Variants in OPRM1 observed in about 807,000 individuals in gnomAD.
OPRM1 encodes the protein opioid receptor mu 1, also known as mu-type opioid receptor.
A neutral mutation model predicts 31.8 loss-of-function variants in OPRM1; 27 were observed. The ratio of observed to expected loss-of-function variants is 0.85; its 90% CI spans 0.63 to 1.17. The LOEUF is 1.17. OPRM1 is among the 50% of genes most tolerant of loss of function. The pLI is 0.00. For synonymous variants in OPRM1, 196 were observed against 189.9 expected (o/e 1.03, Z -0.26); for missense variants, 536 against 511.1 (o/e 1.05, Z -0.47).
chr6:154,207,238 C>A (rs1777576708), intron 3 of OPRM1, among the ~76,000 whole-genome samples: 1 of 152,186 alleles, frequency 6.6e-6, no homozygotes. Context: ...TGAAGATGAG[C>A]TGTTAAAGCC....
At chr6:154,101,995 C>T (rs112713737) in intron 3 of OPRM1, among the ~76,000 whole-genome samples, 2,593 of 152,094 alleles carry the variant, frequency 0.017, 70 homozygotes, top group African/African-American at 0.06. Flanking sequence ...GCTGGAGTGC[C>T]GTGGCACCAG....
intron 3 of OPRM1, among the ~76,000 whole-genome samples, chr6:154,161,116 TC>T (rs1217562223): frequency 1.3e-5 from 2 of 152,216 alleles, no homozygotes; most frequent in Non-Finnish European, 2.9e-5. Context: ...TGAAGAATCT[TC>T]CTTGCCTTTC....
intron 3 of OPRM1, chr6:154,217,058 A>G: frequency 6.2e-6 from 1 of 160,340 alleles, no homozygotes; most frequent in Non-Finnish European, 1.4e-5. Context: ...CATATATGAA[A>G]AGCCACCAAG....
At chr6:154,015,382 A>G (rs986092279) in intron 1 of OPRM1, among the ~76,000 whole-genome samples, 2 of 152,154 alleles carry the variant, frequency 1.3e-5, no homozygotes, top group Non-Finnish European at 2.9e-5. Context: ...GGATACAATA[A>G]AGATGGAATC....
intron 1 of OPRM1, among the ~76,000 whole-genome samples, chr6:154,029,566 T>C (rs116440914): frequency 0.015 from 2,342 of 152,304 alleles, 78 homozygotes; most frequent in African/African-American, 0.053. Flanking sequence ...ACTTAAACAC[T>C]TGCAGCTATA....
chr6:154,085,088 A>G (rs1277024401), intron 1 of OPRM1, among the ~76,000 whole-genome samples: 1 of 152,216 alleles, frequency 6.6e-6, no homozygotes, highest in Non-Finnish European at 1.5e-5. Flanking sequence ...TCAGGTGTAC[A>G]GAGGTAATTT....
chr6:154,181,671 A>G (rs542353607), intron 3 of OPRM1, among the ~76,000 whole-genome samples: 1 of 152,316 alleles, frequency 6.6e-6, no homozygotes, highest in East Asian at 1.9e-4. Flanking sequence ...CCCCACCCGG[A>G]GCCTCTGCTG....
intron 1 of OPRM1, chr6:154,087,386 C>T (rs1208415263): frequency 5.1e-6 from 5 of 985,338 alleles, no homozygotes; most frequent in Non-Finnish European, 4.8e-6. Context: ...GACTCAACCT[C>T]GTGTGACGGA....
intron 1 of OPRM1, among the ~76,000 whole-genome samples, chr6:154,059,370 G>C (rs188279562): frequency 1.2e-4 from 18 of 152,190 alleles, no homozygotes; most frequent in African/African-American, 4.3e-4. Context: ...GTGATCTAAA[G>C]GTGCTGTCAT....
chr6:154,199,526 A>G, intron 3 of OPRM1: 1 of 972,842 alleles, frequency 1.0e-6, no homozygotes. Flanking sequence ...TCTACAAAGC[A>G]ACCTCTGGGC....
intron 3 of OPRM1, among the ~76,000 whole-genome samples, chr6:154,177,010 C>A (rs1236616847): frequency 6.6e-6 from 1 of 152,106 alleles, no homozygotes; most frequent in Non-Finnish European, 1.5e-5. Flanking sequence ...TCTGATCTGA[C>A]AAACCTGACA....
chr6:154,034,333 A>G (rs1182221195), upstream of OPRM1, among the ~76,000 whole-genome samples: 1 of 152,230 alleles, frequency 6.6e-6, no homozygotes, highest in Non-Finnish European at 1.5e-5. Context: ...TGACGAGGTC[A>G]GGAGATCGAG....
chr6:154,089,665 T>C (rs17174787), intron 1 of OPRM1, 161 bp from the exon 2 acceptor site: 29 of 601,452 alleles, frequency 4.8e-5, no homozygotes, highest in Middle Eastern at 7.6e-4. Flanking sequence ...AGGTACATCA[T>C]TGACATCATT....
chr6:154,055,910 T>C (rs1783180943), intron 1 of OPRM1, among the ~76,000 whole-genome samples: 1 of 152,214 alleles, frequency 6.6e-6, no homozygotes, highest in South Asian at 2.1e-4. Flanking sequence ...TAACTGCATG[T>C]GACAAAACTC....
intron 1 of OPRM1, among the ~76,000 whole-genome samples, chr6:154,080,210 A>C (rs956608829): frequency 3.3e-5 from 5 of 152,266 alleles, no homozygotes; most frequent in African/African-American, 9.6e-5. Context: ...GTATCACATA[A>C]GTGAAATGTA....
intron 3 of OPRM1, among the ~76,000 whole-genome samples, chr6:154,245,748 C>T (rs1363159435): frequency 6.6e-6 from 1 of 152,206 alleles, no homozygotes. Flanking sequence ...TCACACTCTC[C>T]TGAGAGCAGC....
At chr6:154,201,724 G>T (rs540218080) in intron 3 of OPRM1, among the ~76,000 whole-genome samples, 1 of 152,058 alleles carries the variant, frequency 6.6e-6, no homozygotes, top group East Asian at 1.9e-4. Context: ...GCGAAACCCC[G>T]TCTCTACTAA....
chr6:154,134,928 T>C (rs573058245), downstream of OPRM1, among the ~76,000 whole-genome samples: 471 of 152,118 alleles, frequency 3.1e-3, 12 homozygotes, highest in Non-Finnish European at 4.3e-4. Flanking sequence ...TTAAATTAGG[T>C]TTCATTTTGG....
rs564455457 is a variant in OPRM1, at chr6:154,168,697, C to T, written c.1164+77225C>T. On this transcript the variant is annotated intron_variant, in intron 3 of 3. Coordinates refer to the OPRM1 transcript ENST00000337049. This position sits in a 1 kb window ranked among gnomAD's most constrained non-coding sequence, Gnocchi z 4.1. ...CTTGGCTCACTGAAACCTACACCTC[C>T]CAGGTTCAAGTGATTCTCCTGTCTC... Among the ~76,000 whole-genome samples the T allele has an allele frequency of 2.0e-4, 30 of 152,134 alleles. No homozygotes were observed. The highest frequency in any genetic ancestry group is 6.7e-4 in the African/African-American group (28 of 41,510).
Sources: allele counts gnomAD v4.1 joint callset (sites outside exome capture counted in the v4.1 genomes callset), GRCh38; gene constraint gnomAD v4.1.1; non-coding constraint Gnocchi (gnomAD v3.1); transcripts MANE v1.5; gene names NCBI Gene and HGNC (gene_info 2026-07-23, HGNC 2026-07-21).